TMEM87A: variants seen among roughly 807,000 people sequenced by gnomAD.
The protein encoded by TMEM87A is Golgi-pH regulating cation channel.
Under a neutral mutation model 90.0 loss-of-function variants are expected in TMEM87A, and 50 were observed. That is an observed-to-expected ratio of 0.56 (90% confidence interval 0.44 to 0.70). TMEM87A has a LOEUF of 0.70. Among genes scored for constraint, TMEM87A ranks in the 30% least tolerant of loss-of-function variants. The pLI, the probability that TMEM87A is intolerant of heterozygous loss-of-function variation, is 0.00. For missense variants in TMEM87A, 577 were observed against 660.5 expected (o/e 0.87, Z 1.39); for synonymous variants, 226 against 226.7 (o/e 1.00, Z 0.03).
intron 8 of TMEM87A, 102 bp downstream of exon 8, chr15:42,239,568 C>T: frequency 2.0e-6 from 2 of 990,236 alleles, no homozygotes; most frequent in Admixed American, 1.8e-5. Context: ...TTCTGAATTG[C>T]ACAGGAACAA....
chr15:42,219,794 T>TACTTC, intron 16 of TMEM87A, 152 bp from the exon 17 acceptor site: 1 of 673,106 alleles, frequency 1.5e-6, no homozygotes, highest in Non-Finnish European at 2.4e-6. Context: ...TTGTGAAGTA[T>TACTTC]ACAACAGATG....
chr15:42,260,369 C>A (rs1450260526), intron 6 of TMEM87A, among the ~76,000 whole-genome samples: 1 of 152,080 alleles, frequency 6.6e-6, no homozygotes, highest in Non-Finnish European at 1.5e-5. Flanking sequence ...GAGACCTTGT[C>A]TCAAAAAACG....
At chr15:42,258,017 A>C in intron 6 of TMEM87A, 1 of 973,844 alleles carries the variant, frequency 1.0e-6, no homozygotes, top group African/African-American at 1.8e-5. Context: ...TTCTGAGATC[A>C]GAAAATAAAG....
Position 42,220,143 on chromosome 15 carries a change from A to C in TMEM87A, c.1404-8T>G. ...AATGGTGAAAAGGCAAACCTAACAG[A>C]ACCAAAGTGAACAGAAGGAAAAAAT... is the stretch of plus-strand genomic sequence containing the variant. On this transcript the variant is annotated splice_polypyrimidine_tract_variant and splice_region_variant and intron_variant, in intron 15 of 19. Transcript: ENST00000389834. 5.7e-6 allele frequency: 9 copies of C among 1,586,740 alleles called. No homozygotes were observed. Among genetic ancestry groups the C allele is most frequent in the Non-Finnish European group, 7.7e-6 (9 of 1,172,280 alleles).
chr15:42,244,069 T>C lies in TMEM87A; in HGVS notation c.603A>G (p.Ser201=). Residue 201 remains serine (S), a synonymous_variant, in exon 7 of 20, where the codon TCA becomes TCG. Coordinates refer to ENST00000389834, the MANE Select transcript of TMEM87A (RefSeq NM_015497.5). ...ACTTACTGGTAAAAAGATTACTCAG[T>C]GAATTTTCTTTTGATGATTCCTTTG... The part of the protein sequence containing the change: ...SSSKESSKEN[S]LSNLFTMTVE... 6.4e-7 allele frequency: 1 copy of C among 1,568,376 alleles called. No homozygotes were observed. Among genetic ancestry groups the C allele is most frequent in the Non-Finnish European group, 8.6e-7 (1 of 1,165,092 alleles).
In TMEM87A at chr15:42,215,209, T is replaced by C. The variant is rs539004501; in HGVS notation, c.1626+2594A>G. Among the ~76,000 whole-genome samples, 403 of 152,220 alleles carry C rather than the reference T, an allele frequency of 2.6e-3. 1 individual carries two copies. Among genetic ancestry groups the C allele is most frequent in the African/African-American group, 9.4e-3 (389 of 41,542 alleles). On this transcript the variant is annotated intron_variant, in intron 19 of 19. Coordinates refer to ENST00000389834, the MANE Select transcript of TMEM87A (RefSeq NM_015497.5). ...AAACATTGAAAAGGTACAGTAAAAATTCAGTATTGGCCAGGTGCGGTGGCT... is the reference window on the plus strand; with the variant it reads ...AAACATTGAAAAGGTACAGTAAAAACTCAGTATTGGCCAGGTGCGGTGGCT...
At chr15:42,231,433 C>A (rs570468233) in intron 11 of TMEM87A, among the ~76,000 whole-genome samples, 173 bp from the exon 12 acceptor site, 81 of 152,318 alleles carry the variant, frequency 5.3e-4, no homozygotes, top group African/African-American at 1.8e-3. Context: ...TAAACCATCA[C>A]ATAGAATATA....
At chr15:42,246,576 G>A (rs958896504) in intron 6 of TMEM87A, among the ~76,000 whole-genome samples, 7 of 152,158 alleles carry the variant, frequency 4.6e-5, no homozygotes, top group African/African-American at 1.7e-4. Flanking sequence ...AGTTTGCTCA[G>A]AATGATGCTT....
Position 42,219,605 on chromosome 15 carries a change from AT to A in TMEM87A, c.1514del (p.Asn505MetfsTer14). On this transcript the variant is annotated frameshift_variant, in exon 17 of 20. Transcript: ENST00000389834. LOFTEE classifies it high-confidence loss of function. Reference sequence around the variant, plus strand: ...CTGCTTTGTTAACTTTACTATTTCCATTGGGTTCTTGTTTGGTACTTCTCAT... The same window carrying A: ...CTGCTTTGTTAACTTTACTATTTCCATGGGTTCTTGTTTGGTACTTCTCAT... ...MKMRSTKQEP[N>X]GNSKVNKAQE... 6.2e-7 allele frequency: 1 copy of A among 1,600,886 alleles called. No individual in the cohort carries two copies. Among genetic ancestry groups the A allele is most frequent in the Non-Finnish European group, 8.5e-7 (1 of 1,173,090 alleles).
intron 9 of TMEM87A, among the ~76,000 whole-genome samples, chr15:42,236,709 A>G (rs1007674986): frequency 1.3e-5 from 2 of 152,204 alleles, no homozygotes; most frequent in Non-Finnish European, 1.5e-5. Context: ...GACAGTTTGT[A>G]GCATCGAGAC....
chr15:42,268,271 A>G (rs2051444930), intron 2 of TMEM87A, among the ~76,000 whole-genome samples: 1 of 152,194 alleles, frequency 6.6e-6, no homozygotes, highest in African/African-American at 2.4e-5. Flanking sequence ...GAAACTGTGG[A>G]TCTATTTTTA....
At chr15:42,226,251 T>C (rs1345573021) in intron 15 of TMEM87A, among the ~76,000 whole-genome samples, 1 of 151,924 alleles carries the variant, frequency 6.6e-6, no homozygotes, top group Admixed American at 6.6e-5. Context: ...CCAACTGCCT[T>C]GGCCTCCCAA....
intron 9 of TMEM87A, 130 bp from the exon 10 acceptor site, chr15:42,236,549 C>T (rs2050774848): frequency 1.4e-6 from 1 of 719,126 alleles, no homozygotes; most frequent in Non-Finnish European, 2.3e-6. Flanking sequence ...AATAGAATAC[C>T]TCTTCCACAG....
At position 42,210,802 on chromosome 15, in the gene TMEM87A, A is replaced by G. The variant is rs935891209; in HGVS notation, c.*906T>C. The G allele has an allele frequency of 1.3e-5, 2 of 152,664 alleles. No individual in the cohort carries two copies. The highest frequency in any genetic ancestry group is 2.9e-5 in the Non-Finnish European group (2 of 68,054). 9.5% of individuals were successfully genotyped at this position (152,664 alleles called of 1,614,324 possible). A position where few individuals can be genotyped will look rare whatever the true frequency, so the allele number is the denominator to read the frequency against. On this transcript the variant is annotated 3_prime_UTR_variant, in exon 20 of 20. Transcript: ENST00000389834. The stretch of plus-strand genomic sequence containing the variant: ...AGCCAGCAGGACCTGTTTCCTTTGT[A>G]TAAGCTACAACTTCTGAAGCATTAC...
chr15:42,226,352 C>T (rs561697822), intron 15 of TMEM87A, among the ~76,000 whole-genome samples: 5 of 149,236 alleles, frequency 3.4e-5, no homozygotes, highest in South Asian at 4.3e-4. Flanking sequence ...TTTAAATTAA[C>T]GTGCATATAT....
intron 2 of TMEM87A, 47 bp downstream of exon 2, chr15:42,272,016 A>G: frequency 6.8e-7 from 1 of 1,468,338 alleles, no homozygotes; most frequent in South Asian, 1.3e-5. Context: ...CATTACCTAT[A>G]AATTTTTAAA....
intron 4 of TMEM87A, among the ~76,000 whole-genome samples, chr15:42,261,883 A>C (rs567650978): frequency 3.9e-5 from 6 of 152,040 alleles, no homozygotes; most frequent in African/African-American, 1.2e-4. Context: ...ATCCGCCCAC[A>C]TCGGCCTCCC....
chr15:42,241,180 T>G (rs2140947497), intron 7 of TMEM87A, among the ~76,000 whole-genome samples: 1 of 152,344 alleles, frequency 6.6e-6, no homozygotes, highest in East Asian at 1.9e-4. Flanking sequence ...TAAGCACTTA[T>G]TATTTGACAG....
intron 4 of TMEM87A, among the ~76,000 whole-genome samples, chr15:42,263,097 G>A (rs1254844806): frequency 6.6e-6 from 1 of 152,066 alleles, no homozygotes; most frequent in Non-Finnish European, 1.5e-5. Flanking sequence ...TGATTTTTCT[G>A]GGAACATATT....
Sources: gnomAD v4.1 joint callset for allele counts (sites outside exome capture counted in the v4.1 genomes callset) on GRCh38, gnomAD v4.1.1 for gene constraint, MANE v1.5 for transcripts, NCBI Gene and HGNC (gene_info 2026-07-23, HGNC 2026-07-21) for gene names.